SH3KBP1: variants seen among roughly 807,000 people sequenced by gnomAD.
SH3KBP1 encodes the protein SH3 domain-containing kinase-binding protein 1.
A neutral mutation model predicts 50.1 loss-of-function variants in SH3KBP1; 8 were observed. That is an observed-to-expected ratio of 0.16 (90% CI 0.09 to 0.29). SH3KBP1 has a LOEUF of 0.29. SH3KBP1 is among the 10% of genes least tolerant of loss of function. SH3KBP1 has a pLI of 1.00. For missense variants in SH3KBP1, 377 were observed against 535.2 expected (o/e 0.70, Z 2.92); for synonymous variants, 227 against 218.6 (o/e 1.04, Z -0.34).
chrX:19,731,235 G>A (rs1006213373), intron 3 of SH3KBP1, among the ~76,000 whole-genome samples: 2 of 112,412 alleles, frequency 1.8e-5, no homozygotes, highest in Admixed American at 1.9e-4. Context: ...CACTGCGCCC[G>A]GCCTACACTT....
intron 3 of SH3KBP1, among the ~76,000 whole-genome samples, chrX:19,745,832 C>A (rs1203117849): frequency 2.7e-5 from 3 of 112,776 alleles, no homozygotes; most frequent in South Asian, 3.6e-4. Context: ...TGTTAAAGGT[C>A]TTCTGGTCAG....
chrX:19,572,912 C>T, intron 12 of SH3KBP1, among the ~76,000 whole-genome samples: 1 of 111,574 alleles, frequency 9.0e-6, no homozygotes, highest in Admixed American at 9.6e-5. Context: ...GCCCTCCTGA[C>T]ATATTAGGAA....
intron 5 of SH3KBP1, among the ~76,000 whole-genome samples, chrX:19,692,665 G>A (rs866216357): frequency 0.033 from 2,384 of 73,262 alleles, 86 homozygotes; most frequent in African/African-American, 0.099. Context: ...GTGTGTGTGT[G>A]TGTGTATGTA....
At chrX:19,690,104 G>A (rs1206609841) in intron 5 of SH3KBP1, among the ~76,000 whole-genome samples, 4 of 101,980 alleles carry the variant, frequency 3.9e-5, no homozygotes, top group Non-Finnish European at 7.9e-5. Context: ...CTGTCGCCCA[G>A]GCTCGAGTGC....
rs191989437 is a variant in SH3KBP1, at chrX:19,875,619, C to T, written c.4+11688G>A. Among the ~76,000 whole-genome samples, 420 of 112,544 alleles carry T rather than the reference C, an allele frequency of 3.7e-3. 3 individuals are homozygous for T. The highest frequency in any genetic ancestry group is 0.013 in the African/African-American group (396 of 30,961). Reference sequence around the variant, plus strand: ...TTCAACATTTACACCAGGACTGGAACTGAGCACCTCCCGCCCACCATGGAT... The same window carrying T: ...TTCAACATTTACACCAGGACTGGAATTGAGCACCTCCCGCCCACCATGGAT... On this transcript the variant is annotated intron_variant, in intron 1 of 17. Transcript: ENST00000397821.
intron 13 of SH3KBP1, among the ~76,000 whole-genome samples, chrX:19,566,398 A>G (rs1348301115): frequency 1.9e-5 from 2 of 106,709 alleles, no homozygotes; most frequent in Non-Finnish European, 3.8e-5. Context: ...AGACATCTCC[A>G]GACCCAAAGA....
At chrX:19,843,008 C>CTTT (rs1208728077) in intron 1 of SH3KBP1, among the ~76,000 whole-genome samples, 18 of 65,181 alleles carry the variant, frequency 2.8e-4, no homozygotes, top group Non-Finnish European at 3.4e-4. Context: ...CGTGCATCAA[C>CTTT]TTTTTTTTTT....
In SH3KBP1 at chrX:19,627,637, T is replaced by A. The variant is rs1383551643; in HGVS notation, c.897+4227A>T. Among the ~76,000 whole-genome samples the A allele has an allele frequency of 2.7e-5, 3 of 112,218 alleles. No homozygotes were observed. The Admixed American group carries it at 2.8e-4, about 11-fold the overall frequency. On this transcript the variant is annotated intron_variant, in intron 8 of 17. Transcript: ENST00000397821. Reference sequence around the variant, plus strand: ...GGCTTCCAGGGACATACAGAAATAGTTTGGGTCTTTGCACATTATTTCAGG... The same window carrying A: ...GGCTTCCAGGGACATACAGAAATAGATTGGGTCTTTGCACATTATTTCAGG...
intron 13 of SH3KBP1, among the ~76,000 whole-genome samples, chrX:19,555,161 T>C (rs2065451458): frequency 8.9e-6 from 1 of 112,895 alleles, no homozygotes. Context: ...TCCAAAACTA[T>C]TGAACTGGCA....
intron 2 of SH3KBP1, among the ~76,000 whole-genome samples, chrX:19,795,340 C>T (rs981616731): frequency 8.9e-6 from 1 of 112,180 alleles, no homozygotes; most frequent in Admixed American, 9.4e-5. Flanking sequence ...TTTACAGAGA[C>T]GTTCTTTAAC....
chrX:19,758,101 G>A (rs767059970), intron 2 of SH3KBP1, among the ~76,000 whole-genome samples: 9 of 110,085 alleles, frequency 8.2e-5, no homozygotes, highest in African/African-American at 2.0e-4. Flanking sequence ...CAAGGTGGGC[G>A]GATCACCTGA....
At chrX:19,809,689 T>A (rs2067153138) in intron 2 of SH3KBP1, among the ~76,000 whole-genome samples, 1 of 112,579 alleles carries the variant, frequency 8.9e-6, no homozygotes, top group Non-Finnish European at 1.9e-5. Context: ...TAAACTGATA[T>A]CCAACCATCA....
At chrX:19,623,042 CAAAAA>C (rs773914815) in intron 8 of SH3KBP1, among the ~76,000 whole-genome samples, 1 of 22,249 alleles carries the variant, frequency 4.5e-5, no homozygotes, top group African/African-American at 1.4e-4. Flanking sequence ...CACTCTGACT[CAAAAA>C]AAAAAAAAAA....
chrX:19,636,728 A>T (rs1453914650), intron 7 of SH3KBP1, among the ~76,000 whole-genome samples: 7 of 112,351 alleles, frequency 6.2e-5, no homozygotes, highest in Non-Finnish European at 1.3e-4. Context: ...TTAAAAAAAA[A>T]TAAAAGCAGA....
intron 2 of SH3KBP1, among the ~76,000 whole-genome samples, chrX:19,834,001 G>A (rs1030757769): frequency 9.0e-6 from 1 of 111,289 alleles, no homozygotes; most frequent in Non-Finnish European, 1.9e-5. Context: ...ACAGTGGGGG[G>A]AAAGCCTATA....
chrX:19,637,843 C>T (rs2148335796), intron 7 of SH3KBP1, among the ~76,000 whole-genome samples: 1 of 109,682 alleles, frequency 9.1e-6, no homozygotes, highest in South Asian at 4.0e-4. Context: ...CTTTGGGAGG[C>T]CGAGGCAGGC....
intron 6 of SH3KBP1, among the ~76,000 whole-genome samples, chrX:19,674,867 T>TC (rs1161135178): frequency 4.5e-5 from 5 of 110,745 alleles, no homozygotes; most frequent in Non-Finnish European, 5.7e-5. Flanking sequence ...TCACCGGAGG[T>TC]CAGGAGTTCA....
intron 12 of SH3KBP1, among the ~76,000 whole-genome samples, chrX:19,572,225 T>C (rs2066033473): frequency 9.3e-6 from 1 of 107,581 alleles, no homozygotes; most frequent in South Asian, 3.7e-4. Context: ...ATATGTTATA[T>C]ATAGTACATA....
chrX:19,801,479 C>A (rs182168644), intron 2 of SH3KBP1, among the ~76,000 whole-genome samples: 1 of 111,963 alleles, frequency 8.9e-6, no homozygotes, highest in African/African-American at 3.2e-5. Context: ...AGTAACTAAC[C>A]GGGTAGCCAA....
Sources: allele counts gnomAD v4.1 joint callset (sites outside exome capture counted in the v4.1 genomes callset), GRCh38; gene constraint gnomAD v4.1.1; transcripts MANE v1.5; gene names NCBI Gene and HGNC (gene_info 2026-07-23, HGNC 2026-07-21).